The following DCAF8L2 variants were observed in gnomAD, a reference collection of about 807,000 sequenced individuals.
DCAF8L2 encodes DDB1 and CUL4 associated factor 8 like 2, also known as DDB1- and CUL4-associated factor 8-like protein 2.
For synonymous variants in DCAF8L2, 200 were observed against 190.9 expected (o/e 1.05, Z -0.39); for missense variants, 430 against 490.7 (o/e 0.88, Z 1.17).
In DCAF8L2 at chrX:27,747,951, G is replaced by A; in HGVS notation, c.1056G>A (p.Arg352=). 1 of 1,211,596 alleles carries A rather than the reference G, an allele frequency of 8.3e-7. No homozygotes were observed. Among genetic ancestry groups the A allele is most frequent in the African/African-American group, 1.7e-5 (1 of 57,780 alleles). ...TCACCATTGACCTCAGACAAGACCG[G>A]CCAGCTTCAAAAGTTGTGGTAACAA... ...VVFTIDLRQD[R]PASKVVVTRE... is the part of the protein sequence containing the mutation. The change falls in exon 5 of 5, where the codon CGG becomes CGA. Residue 352 remains arginine (R), a synonymous_variant. Coordinates refer to ENST00000451261, the MANE Select transcript of DCAF8L2 (RefSeq NM_001353450.2).
At chrX:27,480,331 T>C in the DCAF8L2 span, among the ~76,000 whole-genome samples, 2 of 112,175 alleles carry the variant, frequency 1.8e-5, no homozygotes, top group Non-Finnish European at 3.8e-5. Context: ...TGCCAGTTAT[T>C]TGCCTGTTTG....
At chrX:27,502,693 G>C in the DCAF8L2 span, among the ~76,000 whole-genome samples, 11 of 109,841 alleles carry the variant, frequency 1.0e-4, no homozygotes, top group African/African-American at 3.6e-4. Flanking sequence ...TATTCCATTT[G>C]TTTTCTTGTC....
At chrX:27,616,745 T>C (rs1357465248) in intron 1 of DCAF8L2, among the ~76,000 whole-genome samples, 1 of 111,301 alleles carries the variant, frequency 9.0e-6, no homozygotes, top group African/African-American at 3.3e-5. Context: ...AGAGGCTCTT[T>C]GTCCATGATA....
chrX:27,649,340 G>T (rs1302202680), intron 2 of DCAF8L2, among the ~76,000 whole-genome samples: 2 of 112,210 alleles, frequency 1.8e-5, no homozygotes, highest in African/African-American at 6.5e-5. Flanking sequence ...TGAGATTGAT[G>T]AGTCAAATGG....
At chrX:27,719,548 G>A (rs181344264) in intron 4 of DCAF8L2, among the ~76,000 whole-genome samples, 20 of 105,153 alleles carry the variant, frequency 1.9e-4, no homozygotes, top group African/African-American at 6.6e-4. Context: ...GGGTTCAAGC[G>A]ATTCTCCTGC....
At chrX:27,722,626 T>C (rs1931937670) in intron 4 of DCAF8L2, among the ~76,000 whole-genome samples, 2 of 110,994 alleles carry the variant, frequency 1.8e-5, no homozygotes, top group African/African-American at 3.3e-5. Context: ...AGTTGAACCA[T>C]TGTAAGTTGA....
At chrX:27,508,206 A>G in the DCAF8L2 span, among the ~76,000 whole-genome samples, 1 of 111,876 alleles carries the variant, frequency 8.9e-6, no homozygotes, top group African/African-American at 3.2e-5. Flanking sequence ...GTGTAAGTCT[A>G]ACAATTTTGA....
chrX:27,563,039 TGTTGATAGATAACATATGCAGG>T, the DCAF8L2 span, among the ~76,000 whole-genome samples: 1 of 111,954 alleles, frequency 8.9e-6, no homozygotes, highest in Admixed American at 9.5e-5. Flanking sequence ...GAATATGAAG[TGTTGATAGATAACATATGCAGG>T]GTTAATTTTC....
chrX:27,481,206 C>T, the DCAF8L2 span, among the ~76,000 whole-genome samples: 1 of 109,675 alleles, frequency 9.1e-6, no homozygotes, highest in Non-Finnish European at 1.9e-5. Context: ...GGTAAAACCC[C>T]GTCTCTACTA....
chrX:27,727,218 C>T (rs1423740467), intron 4 of DCAF8L2, among the ~76,000 whole-genome samples: 1 of 111,256 alleles, frequency 9.0e-6, no homozygotes, highest in Non-Finnish European at 1.9e-5. Flanking sequence ...TTTATTGTCC[C>T]TTTTCTCACT....
the DCAF8L2 span, among the ~76,000 whole-genome samples, chrX:27,489,850 G>A: frequency 8.9e-6 from 1 of 111,978 alleles, no homozygotes; most frequent in South Asian, 3.7e-4. Flanking sequence ...GAGCAAAAAT[G>A]TTATATTCCT....
chrX:27,633,547 A>G (rs1181876894), intron 2 of DCAF8L2: 2 of 111,112 alleles, frequency 1.8e-5, no homozygotes, highest in East Asian at 2.8e-4. Context: ...CGGTGCACCT[A>G]TTTCCTAAGA....
intron 2 of DCAF8L2, among the ~76,000 whole-genome samples, chrX:27,659,361 G>A (rs1440658556): frequency 8.9e-6 from 1 of 111,910 alleles, no homozygotes; most frequent in Non-Finnish European, 1.9e-5. Context: ...AACTTGCTGA[G>A]CTAGGGGTAG....
the DCAF8L2 span, among the ~76,000 whole-genome samples, chrX:27,527,321 A>T: frequency 8.9e-6 from 1 of 112,325 alleles, no homozygotes; most frequent in African/African-American, 3.2e-5. Flanking sequence ...GGACCCTCCA[A>T]GCCAGGCACA....
Position 27,747,270 on chromosome X carries a change from G to A in DCAF8L2, c.375G>A (p.Gly125=). The A allele has an allele frequency of 8.9e-7, 1 of 1,129,074 alleles. No homozygotes were observed. The highest frequency in any genetic ancestry group is 1.2e-6 in the Non-Finnish European group (1 of 858,201). 93.0% of individuals were successfully genotyped at this position (1,129,074 alleles called of 1,213,427 possible). Residue 125 remains glycine (G), a synonymous_variant, in exon 5 of 5, where the codon GGG becomes GGA. Coordinates refer to ENST00000451261, the MANE Select transcript of DCAF8L2 (RefSeq NM_001353450.2). ...EEDEEIQEEG[G]EEEEEEEEEE... is the part of the protein sequence containing the mutation. ...ACGAAGAGATACAAGAGGAGGGAGGGGAGGAGGAGGAAGAGGAGGAGGAGG... is the reference window on the plus strand; with the variant it reads ...ACGAAGAGATACAAGAGGAGGGAGGAGAGGAGGAGGAAGAGGAGGAGGAGG...
chrX:27,675,172 A>T (rs1274062422), intron 2 of DCAF8L2, among the ~76,000 whole-genome samples: 5 of 111,381 alleles, frequency 4.5e-5, no homozygotes, highest in Non-Finnish European at 9.4e-5. Context: ...GAAATATCCA[A>T]AACACTCTCT....
the DCAF8L2 span, among the ~76,000 whole-genome samples, chrX:27,544,395 G>T: frequency 5.5e-4 from 61 of 111,646 alleles, no homozygotes; most frequent in Non-Finnish European, 9.4e-5. Flanking sequence ...TGAACCTTCA[G>T]AGAGCAAAAG....
At chrX:27,533,739 ATACT>A in the DCAF8L2 span, among the ~76,000 whole-genome samples, 1 of 112,503 alleles carries the variant, frequency 8.9e-6, no homozygotes, top group Non-Finnish European at 1.9e-5. Context: ...AAATATCAAC[ATACT>A]TAAAGCTTGA....
chrX:27,740,946 T>C (rs1921812109), intron 4 of DCAF8L2, among the ~76,000 whole-genome samples: 1 of 111,920 alleles, frequency 8.9e-6, no homozygotes, highest in African/African-American at 3.3e-5. Flanking sequence ...GTGAAGGGAA[T>C]GCCACTTTTA....
Sources: gnomAD v4.1 joint callset for allele counts (sites outside exome capture counted in the v4.1 genomes callset) on GRCh38, gnomAD v4.1.1 for gene constraint, MANE v1.5 for transcripts, NCBI Gene and HGNC (gene_info 2026-07-23, HGNC 2026-07-21) for gene names.